Variants in RABGGTB observed in about 807,000 individuals in gnomAD.
RABGGTB encodes the protein Rab geranylgeranyltransferase subunit beta.
RABGGTB carries 20 observed loss-of-function variants against 44.5 expected under a neutral mutation model. The ratio of observed to expected loss-of-function variants is 0.45; its 90% CI spans 0.32 to 0.65. The LOEUF (loss-of-function observed/expected upper bound fraction) is 0.65. Among genes scored for constraint, RABGGTB ranks in the 30% least tolerant of loss-of-function variants. The pLI is 0.05. For missense variants in RABGGTB, 302 were observed against 398.7 expected (o/e 0.76, Z 2.06); for synonymous variants, 128 against 136.7 (o/e 0.94, Z 0.44).
In RABGGTB at chr1:75,794,702, G is replaced by A. The variant is rs1231479925; in HGVS notation, c.*52G>A. 2.1e-6 allele frequency: 3 copies of A among 1,440,058 alleles called. No individual in the cohort carries two copies. The highest frequency in any genetic ancestry group is 2.8e-6 in the Non-Finnish European group (3 of 1,076,820). 89.2% of individuals were successfully genotyped at this position (1,440,058 alleles called of 1,614,324 possible). A position where few individuals can be genotyped will look rare whatever the true frequency, so the allele number is the denominator to read the frequency against. On this transcript the variant is annotated 3_prime_UTR_variant, in exon 9 of 9. Transcript: ENST00000319942. ...ATAGTTTTGCCATTTTAACATTTCT[G>A]TATTTGAAGTGCTTATCGAATCTAA...
rs776422058 is a variant in RABGGTB at position 75,789,998 on chromosome 1, T to C, written c.356T>C (p.Val119Ala). The C allele has an allele frequency of 9.9e-6, 16 of 1,612,556 alleles. No individual in the cohort carries two copies. The Admixed American group carries it at 1.3e-4, about 13-fold the overall frequency. Reference sequence around the variant, plus strand: ...ATTAATGTTATTGACGTAAATAAAGTTGTGGAATATGTTAAAGGTCTACAG... The same window carrying C: ...ATTAATGTTATTGACGTAAATAAAGCTGTGGAATATGTTAAAGGTCTACAG... ...DSINVIDVNK[V>A]VEYVKGLQKE... Residue 119 changes from valine to alanine, a missense_variant, in exon 4 of 9, where the codon GTT (valine) becomes GCT (alanine). By Grantham distance (64) the Val-to-Ala change is moderately conservative (BLOSUM62 0). Coordinates refer to ENST00000319942, the MANE Select transcript of RABGGTB (RefSeq NM_004582.4).
chr1:75,789,199 A>T lies in RABGGTB; in HGVS notation c.152A>T (p.Tyr51Phe), dbSNP rs533455235. 11 of 1,614,002 alleles carry T rather than the reference A, an allele frequency of 6.8e-6. No individual in the cohort carries two copies. The African/African-American group carries it at 1.3e-4, about 20-fold the overall frequency. Reference protein sequence around the residue: ...MSEYLRMSGIYWGLTVMDLMG... With the variant: ...MSEYLRMSGIFWGLTVMDLMG... ...GAGTATTTGAGAATGAGTGGCATCT[A>T]TTGGGGTCTGACAGTAATGGATCTC... The change falls in exon 3 of 9, where the codon TAT becomes TTT. Residue 51 changes from tyrosine (Y) to phenylalanine (F), a missense_variant. Coordinates refer to ENST00000319942, the MANE Select transcript of RABGGTB (RefSeq NM_004582.4).
chr1:75,792,339 T>G, intron 7 of RABGGTB, 33 bp downstream of exon 7: 1 of 1,603,588 alleles, frequency 6.2e-7, no homozygotes, highest in Non-Finnish European at 8.5e-7. Context: ...CTGCTAGCTT[T>G]AGAACCTTGA....
chr1:75,786,208 C>T (rs1235193016), upstream of RABGGTB: 2 of 1,606,656 alleles, frequency 1.2e-6, no homozygotes, highest in Non-Finnish European at 1.7e-6. Flanking sequence ...GGCGCATCTG[C>T]GCAGGCGCCC....
At chr1:75,789,115 T>C in intron 2 of RABGGTB, 44 bp from the exon 3 acceptor site, 1 of 1,556,662 alleles carries the variant, frequency 6.4e-7, no homozygotes. Flanking sequence ...TATAACTTGT[T>C]ACCAGTTCAA....
At chr1:75,786,880 G>C (rs2100481697) in intron 1 of RABGGTB, 1 of 334,492 alleles carries the variant, frequency 3.0e-6, no homozygotes, top group South Asian at 2.4e-5. Flanking sequence ...TTTGAAACCT[G>C]CATTTGATTA....
chr1:75,789,957 T>C lies in RABGGTB; in HGVS notation c.315T>C (p.Leu105=). 1 of 1,603,456 alleles carries C rather than the reference T, an allele frequency of 6.2e-7. No individual in the cohort carries two copies. The highest frequency in any genetic ancestry group is 8.5e-7 in the Non-Finnish European group (1 of 1,171,514). ...AATACTTGTCTTTATTGCAGATTCT[T>C]ACGCTGTATGACAGTATTAATGTTA... ...LLYTLSAVQI[L]TLYDSINVID... The change falls in exon 4 of 9, where the codon CTT becomes CTC. Residue 105 remains leucine, a synonymous_variant. Coordinates refer to ENST00000319942, the MANE Select transcript of RABGGTB (RefSeq NM_004582.4).
chr1:75,786,207 G>A, upstream of RABGGTB: 2 of 1,605,964 alleles, frequency 1.2e-6, no homozygotes, highest in Non-Finnish European at 1.7e-6. Flanking sequence ...AGGCGCATCT[G>A]CGCAGGCGCC....
chr1:75,788,877 GTC>G (rs749402148), intron 2 of RABGGTB: 9 of 418,318 alleles, frequency 2.2e-5, no homozygotes, highest in Non-Finnish European at 3.9e-5. Context: ...ATGTTTTTCT[GTC>G]TCTGGCTCAT....
chr1:75,793,521 G>A (rs1400887430), intron 7 of RABGGTB: 2 of 152,398 alleles, frequency 1.3e-5, no homozygotes, highest in South Asian at 2.1e-4. Context: ...ATGGGTGGCC[G>A]TGGGGAGCAC....
Position 75,791,290 on chromosome 1 carries a change from A to T in RABGGTB, c.421A>T (p.Ile141Phe). Residue 141 changes from isoleucine (I) to phenylalanine (F), a missense_variant, in exon 5 of 9, where the codon ATT becomes TTT. Coordinates refer to ENST00000319942, the MANE Select transcript of RABGGTB (RefSeq NM_004582.4). ...GSFAGDIWGE[I>F]DTRFSFCAVA... ...TTGATCTATTTTTATTGTAGGAGAA[A>T]TTGACACAAGATTCTCTTTTTGTGC... 2 of 1,609,190 alleles carry T rather than the reference A, an allele frequency of 1.2e-6. No homozygotes were observed. The highest frequency in any genetic ancestry group is 1.7e-6 in the Non-Finnish European group (2 of 1,175,564).
At position 75,791,306 on chromosome 1, in the gene RABGGTB, CTT is replaced by C. The variant is rs745334973; in HGVS notation, c.441_442del (p.Phe147LeufsTer13). On this transcript the variant is annotated frameshift_variant, in exon 5 of 9. Transcript: ENST00000319942. LOFTEE classifies it high-confidence loss of function. ...GTAGGAGAAATTGACACAAGATTCTCTTTTTGTGCGGTGGCAACTTTGGCTTT... is the reference window on the plus strand; with the variant it reads ...GTAGGAGAAATTGACACAAGATTCTCTTTGTGCGGTGGCAACTTTGGCTTT... 1.9e-6 allele frequency: 3 copies of C among 1,610,204 alleles called. No individual in the cohort carries two copies. The highest frequency in any genetic ancestry group is 1.3e-5 in the African/African-American group (1 of 74,604).
chr1:75,794,615 C>CA lies in RABGGTB; in HGVS notation c.962dup (p.Arg322GlufsTer7). 6.2e-7 allele frequency: 1 copy of CA among 1,612,362 alleles called. No homozygotes were observed. Among genetic ancestry groups the CA allele is most frequent in the Non-Finnish European group, 8.5e-7 (1 of 1,178,998 alleles). On this transcript the variant is annotated frameshift_variant, in exon 9 of 9. Transcript: ENST00000319942. LOFTEE classifies it high-confidence loss of function. ...CTTTTGCATGCCTGAAGAAGTGCTT[C>CA]AGAGAGTGAATGTTCAGCCTGAGCT... is the stretch of plus-strand genomic sequence containing the variant.
In RABGGTB at chr1:75,789,322, A is replaced by T; in HGVS notation, c.275A>T (p.Asp92Val). Residue 92 changes from aspartate to valine, a missense_variant, in exon 3 of 9, where the codon GAT (aspartate) becomes GTT (valine). Physicochemically the swap from Asp to Val is radical, Grantham distance 152 (BLOSUM62 -3). This residue lies in a region of RABGGTB where 213 missense variants were observed against 323.7 expected (regional missense o/e 0.66). Transcript: ENST00000319942. Reference protein sequence around the residue: ...CGGISASIGHDPHLLYTLSAV... With the variant: ...CGGISASIGHVPHLLYTLSAV... ...GGAATAAGTGCTAGTATCGGACATG[A>T]TCCTCATCTTTTATACACTCTTAGT... 6.2e-7 allele frequency: 1 copy of T among 1,614,076 alleles called. No homozygotes were observed. Among genetic ancestry groups the T allele is most frequent in the Non-Finnish European group, 8.5e-7 (1 of 1,179,994 alleles).
At chr1:75,787,290 C>A (rs973161501) in intron 1 of RABGGTB, 2 of 621,000 alleles carry the variant, frequency 3.2e-6, no homozygotes, top group Non-Finnish European at 5.8e-6. Flanking sequence ...TGCAGTGACA[C>A]AACCTCAGTT....
Position 75,791,443 on chromosome 1 carries a change from CTT to C in RABGGTB, c.469-10_469-9del. 1 of 1,543,642 alleles carries C rather than the reference CTT, an allele frequency of 6.5e-7. No homozygotes were observed. Among genetic ancestry groups the C allele is most frequent in the Non-Finnish European group, 8.8e-7 (1 of 1,132,126 alleles). The stretch of plus-strand genomic sequence containing the variant: ...GAATACTCTGGAATTTAACAGGCAT[CTT>C]TTTTTTTGTTTGTAGGGGAAGCTTG... On this transcript the variant is annotated splice_polypyrimidine_tract_variant and intron_variant, in intron 5 of 8. Transcript: ENST00000319942.
intron 4 of RABGGTB, chr1:75,790,260 A>G: frequency 9.7e-6 from 12 of 1,242,652 alleles, no homozygotes; most frequent in Non-Finnish European, 1.2e-5. Context: ...AGAGGGGGCC[A>G]GTCTAAAAGA....
chr1:75,790,259 C>A, intron 4 of RABGGTB: 1 of 1,255,736 alleles, frequency 8.0e-7, no homozygotes, highest in Non-Finnish European at 1.0e-6. Context: ...CAGAGGGGGC[C>A]AGTCTAAAAG....
chr1:75,793,748 T>C (rs1336716414), intron 7 of RABGGTB: 1 of 202,078 alleles, frequency 4.9e-6, no homozygotes, highest in Admixed American at 5.4e-5. Flanking sequence ...GATTTCATGA[T>C]TATACTGCTA....
Sources: allele counts gnomAD v4.1 joint callset, GRCh38; gene constraint gnomAD v4.1.1; regional missense constraint gnomAD v4.1.1; transcripts MANE v1.5; gene names NCBI Gene and HGNC (gene_info 2026-07-23, HGNC 2026-07-21).